Variants in EFNA5 observed in about 807,000 individuals in gnomAD.
The protein encoded by EFNA5 is ephrin-A5.
In EFNA5, 5 loss-of-function variants were observed where a neutral mutation model predicts 22.9. The ratio of observed to expected loss-of-function variants is 0.22; its 90% CI spans 0.11 to 0.46. The LOEUF (loss-of-function observed/expected upper bound fraction) is 0.46, where lower values mean the gene tolerates loss of function less well. EFNA5 is among the 20% of genes least tolerant of loss of function. The pLI is 0.99. For synonymous variants in EFNA5, 113 were observed against 112.2 expected (o/e 1.01, Z -0.04); for missense variants, 237 against 293.3 (o/e 0.81, Z 1.40).
At chr5:107,387,144 G>T in intron 4 of EFNA5, 91 bp downstream of exon 4, 1 of 831,532 alleles carries the variant, frequency 1.2e-6, no homozygotes, top group Non-Finnish European at 1.9e-6. Context: ...ACTATAACAT[G>T]CAAACATGCA....
At chr5:107,593,937 G>A (rs1749425420) in intron 1 of EFNA5, among the ~76,000 whole-genome samples, 1 of 152,046 alleles carries the variant, frequency 6.6e-6, no homozygotes, top group Non-Finnish European at 1.5e-5. Context: ...TACTAAACTA[G>A]AATTACATTC....
intron 2 of EFNA5, among the ~76,000 whole-genome samples, chr5:107,402,644 T>G (rs941282006): frequency 1.3e-5 from 2 of 152,224 alleles, no homozygotes; most frequent in African/African-American, 4.8e-5. Context: ...GTGGATACAC[T>G]ACTGTATACG....
In EFNA5 at chr5:107,427,332, T is replaced by C. The variant is rs535711947; in HGVS notation, c.303A>G (p.Glu101=). The C allele has an allele frequency of 6.2e-7, 1 of 1,614,126 alleles. No individual in the cohort carries two copies. Among genetic ancestry groups the C allele is most frequent in the African/African-American group, 1.3e-5 (1 of 75,038 alleles). Residue 101 remains glutamate, a synonymous_variant, in exon 2 of 5, where the codon GAA becomes GAG. Coordinates refer to ENST00000333274, the MANE Select transcript of EFNA5 (RefSeq NM_001962.3). ...DHTSKGFKRW[E]CNRPHSPNGP... ...CATTTGGAGAGTGAGGCCGGTTACA[T>C]TCCCATCTCTTGAACCCTTTGGAAG...
At chr5:107,509,661 A>G (rs1040773760) in intron 1 of EFNA5, among the ~76,000 whole-genome samples, 1 of 151,984 alleles carries the variant, frequency 6.6e-6, no homozygotes, top group Non-Finnish European at 1.5e-5. Flanking sequence ...ACCCCTTAAA[A>G]ATATACTCAT....
At chr5:107,583,028 T>G (rs1749102286) in intron 1 of EFNA5, among the ~76,000 whole-genome samples, 1 of 152,190 alleles carries the variant, frequency 6.6e-6, no homozygotes, top group Non-Finnish European at 1.5e-5. Context: ...GGACATCTTC[T>G]AAAGTTCAAC....
intron 2 of EFNA5, among the ~76,000 whole-genome samples, chr5:107,389,751 C>T (rs1394706237): frequency 6.6e-6 from 1 of 152,158 alleles, no homozygotes; most frequent in East Asian, 1.9e-4. Flanking sequence ...GAGTTCTCTC[C>T]ATGAGCTCTC....
rs558588657 is a variant in EFNA5, at chr5:107,547,787, GT to G, written c.126-120279del. 1.5e-3 allele frequency among the ~76,000 whole-genome samples: 225 copies of G among 152,152 alleles called. 1 individual carries two copies. The highest frequency in any genetic ancestry group is 5.3e-3 in the African/African-American group (219 of 41,524). On this transcript the variant is annotated intron_variant, in intron 1 of 4. Transcript: ENST00000333274. ...TGACTTTGTAAGACAGTGTAATTGT[GT>G]TTTTTTCCCCCACAGAAATTTCACG...
chr5:107,631,256 A>AACACACACACAC lies in EFNA5; in HGVS notation c.125+39221_125+39232dup, dbSNP rs10616989. On this transcript the variant is annotated intron_variant, in intron 1 of 4. Coordinates refer to ENST00000333274, the MANE Select transcript of EFNA5 (RefSeq NM_001962.3). ...CATTGTTACATAGGGCCTGACTACA[A>AACACACACACAC]ACACACACACACACACACACACACA... 3.1e-3 allele frequency among the ~76,000 whole-genome samples: 448 copies of AACACACACACAC among 145,748 alleles called. 2 individuals carry two copies. The highest frequency in any genetic ancestry group is 0.011 in the African/African-American group (417 of 39,092).
intron 1 of EFNA5, among the ~76,000 whole-genome samples, chr5:107,569,027 T>C (rs1401419485): frequency 1.3e-5 from 2 of 152,280 alleles, no homozygotes; most frequent in East Asian, 3.9e-4. Flanking sequence ...CCAAGTCCTT[T>C]TCCTGAGCTT....
rs140941926 is a variant in EFNA5, at chr5:107,595,114, A to T, written c.125+75375T>A. On this transcript the variant is annotated intron_variant, in intron 1 of 4. Coordinates refer to ENST00000333274, the MANE Select transcript of EFNA5 (RefSeq NM_001962.3). ...AGTAACCAAAAAAGTACACTATAAA[A>T]ACCAAGATTGAACCTTTGGTTTAAT... 9.3e-5 allele frequency among the ~76,000 whole-genome samples: 14 copies of T among 150,652 alleles called. No individual in the cohort carries two copies. In the East Asian group the frequency reaches 2.7e-3, roughly 29 times the overall value.
At chr5:107,464,149 C>CCCTAACCT (rs1749910754) in intron 1 of EFNA5, among the ~76,000 whole-genome samples, 1 of 152,052 alleles carries the variant, frequency 6.6e-6, no homozygotes, top group Non-Finnish European at 1.5e-5. Context: ...CACACCCTGC[C>CCCTAACCT]CCTAACCTCC....
intron 1 of EFNA5, among the ~76,000 whole-genome samples, chr5:107,613,045 T>A (rs1749851390): frequency 6.6e-6 from 1 of 152,036 alleles, no homozygotes; most frequent in Non-Finnish European, 1.5e-5. Context: ...AAACTAAAGA[T>A]AATTTCCTGA....
At chr5:107,657,415 C>G (rs1750852783) in intron 1 of EFNA5, among the ~76,000 whole-genome samples, 1 of 151,934 alleles carries the variant, frequency 6.6e-6, no homozygotes, top group Non-Finnish European at 1.5e-5. Context: ...TGCTTGTCAC[C>G]CCCAAATTCA....
intron 1 of EFNA5, among the ~76,000 whole-genome samples, chr5:107,489,411 T>C (rs777923010): frequency 6.6e-6 from 1 of 152,162 alleles, no homozygotes; most frequent in Non-Finnish European, 1.5e-5. Flanking sequence ...CCTCAGGTGA[T>C]CTGCCTGCCC....
At chr5:107,635,578 T>A (rs1750357294) in intron 1 of EFNA5, among the ~76,000 whole-genome samples, 1 of 152,214 alleles carries the variant, frequency 6.6e-6, no homozygotes. Context: ...CATTTTGTGC[T>A]GACACATACC....
intron 1 of EFNA5, among the ~76,000 whole-genome samples, chr5:107,508,155 C>T (rs1265169287): frequency 2.0e-5 from 3 of 152,194 alleles, no homozygotes; most frequent in Non-Finnish European, 4.4e-5. Context: ...CTCCTTCCTC[C>T]TGCCACTGAA....
rs1748239419 is a variant in EFNA5 at position 107,549,510 on chromosome 5, C to T, written c.125+120979G>A. 2.0e-5 allele frequency among the ~76,000 whole-genome samples: 3 copies of T among 152,340 alleles called. No individual in the cohort carries two copies. In the South Asian group the frequency reaches 6.2e-4, roughly 32 times the overall value. ...CTCGAACAGACTAAGAGAGAAGTAT[C>T]CAGTCCCTAAGAGTAAACTGGGGTT... On this transcript the variant is annotated intron_variant, in intron 1 of 4. Coordinates refer to ENST00000333274, the MANE Select transcript of EFNA5 (RefSeq NM_001962.3).
At chr5:107,389,074 C>A (rs769445950) in intron 2 of EFNA5, among the ~76,000 whole-genome samples, 5 of 152,184 alleles carry the variant, frequency 3.3e-5, no homozygotes, top group Admixed American at 6.5e-5. Flanking sequence ...TGTCCCTATT[C>A]AACACCTGTT....
intron 1 of EFNA5, among the ~76,000 whole-genome samples, chr5:107,660,844 A>G (rs1284201071): frequency 2.0e-5 from 3 of 152,098 alleles, no homozygotes; most frequent in African/African-American, 7.2e-5. Context: ...TTGACACAAA[A>G]CCCTGTCAGA....
Sources: allele counts gnomAD v4.1 joint callset (sites outside exome capture counted in the v4.1 genomes callset), GRCh38; gene constraint gnomAD v4.1.1; transcripts MANE v1.5; gene names NCBI Gene and HGNC (gene_info 2026-07-23, HGNC 2026-07-21).